The following CCDC169 variants were observed in gnomAD, a reference collection of about 807,000 sequenced individuals.
CCDC169 encodes the protein coiled-coil domain-containing protein 169.
CCDC169 carries 30 observed loss-of-function variants against 36.0 expected under a neutral mutation model. The ratio of observed to expected loss-of-function variants is 0.83; its 90% CI spans 0.62 to 1.13. The LOEUF is 1.13. Ranked by LOEUF, CCDC169 falls within the 50% of genes most tolerant of loss-of-function variation. The probability of loss-of-function intolerance (pLI) is 0.00; values close to 1 mark genes in which losing one functional copy is unlikely to be tolerated. For synonymous variants in CCDC169, 85 were observed against 81.5 expected (o/e 1.04, Z -0.23); for missense variants, 245 against 245.9 (o/e 1.00, Z 0.03).
At chr13:36,292,238 C>T (rs1214776038) in intron 2 of CCDC169, among the ~76,000 whole-genome samples, 1 of 152,112 alleles carries the variant, frequency 6.6e-6, no homozygotes, top group Non-Finnish European at 1.5e-5. Context: ...AGGTGATCTG[C>T]CTGCCTTGGC....
chr13:36,238,381 C>T (rs981182223), intron 7 of CCDC169, among the ~76,000 whole-genome samples: 2 of 152,162 alleles, frequency 1.3e-5, no homozygotes, highest in African/African-American at 4.8e-5. Context: ...ATTGTCCTGC[C>T]TTGGCCTTCC....
intron 7 of CCDC169, among the ~76,000 whole-genome samples, chr13:36,241,117 T>C (rs1041731098): frequency 2.0e-5 from 3 of 152,126 alleles, no homozygotes; most frequent in African/African-American, 7.2e-5. Flanking sequence ...TGCTAGATTT[T>C]TAAAAGAGAA....
chr13:36,250,315 A>G (rs1410628), intron 6 of CCDC169, among the ~76,000 whole-genome samples: 61,624 of 152,046 alleles, frequency 0.41, 13,275 homozygotes, highest in Non-Finnish European at 0.48. Flanking sequence ...ATATGGCTGC[A>G]GAGACAGGAA....
intron 4 of CCDC169, chr13:36,280,621 C>T (rs558786443): frequency 6.6e-6 from 1 of 152,248 alleles, no homozygotes; most frequent in South Asian, 2.1e-4. Flanking sequence ...AATCCTTTTT[C>T]ACTTTGTTTG....
chr13:36,246,961 C>G (rs1410622), intron 7 of CCDC169, among the ~76,000 whole-genome samples: 61,669 of 152,064 alleles, frequency 0.41, 13,290 homozygotes, highest in Non-Finnish European at 0.48. Context: ...GACAATGCCT[C>G]GCTTCAAAGC....
intron 2 of CCDC169, among the ~76,000 whole-genome samples, chr13:36,288,083 A>C (rs1171001965): frequency 1.3e-5 from 2 of 151,796 alleles, no homozygotes; most frequent in Non-Finnish European, 2.9e-5. Flanking sequence ...ATCTTGGCTC[A>C]CTGCAAGCTC....
chr13:36,242,064 A>C (rs1272192433), intron 7 of CCDC169, among the ~76,000 whole-genome samples: 2 of 152,148 alleles, frequency 1.3e-5, no homozygotes, highest in African/African-American at 4.8e-5. Flanking sequence ...AAGTTTCCTG[A>C]GGCCTCCCCA....
intron 2 of CCDC169, among the ~76,000 whole-genome samples, chr13:36,291,449 T>C (rs944723858): frequency 1.3e-4 from 20 of 152,208 alleles, no homozygotes; most frequent in Non-Finnish European, 2.6e-4. Context: ...AGATCTTTTA[T>C]GGTTTCGGTT....
chr13:36,231,336 T>C (rs1188293213), intron 7 of CCDC169, 44 bp from the exon 8 acceptor site: 36 of 1,536,494 alleles, frequency 2.3e-5, no homozygotes, highest in Non-Finnish European at 3.1e-5. Context: ...GTCACCATTA[T>C]GTACAACAAA....
intron 7 of CCDC169, among the ~76,000 whole-genome samples, chr13:36,241,186 T>A (rs2138420345): frequency 6.6e-6 from 1 of 152,242 alleles, no homozygotes; most frequent in Admixed American, 6.5e-5. Flanking sequence ...TTAGGAAAAA[T>A]GGGTAAGTCA....
chr13:36,258,738 A>C (rs1874237327), intron 4 of CCDC169, among the ~76,000 whole-genome samples: 1 of 125,478 alleles, frequency 8.0e-6, no homozygotes. Context: ...AAAAATAGCC[A>C]ACCAGCACCC....
At chr13:36,252,226 G>C (rs1873261701) in intron 6 of CCDC169, among the ~76,000 whole-genome samples, 1 of 152,176 alleles carries the variant, frequency 6.6e-6, no homozygotes, top group South Asian at 2.1e-4. Context: ...GATCTAGGAG[G>C]AACCAGTGCC....
intron 4 of CCDC169, among the ~76,000 whole-genome samples, chr13:36,254,745 T>C (rs1873631651): frequency 6.6e-6 from 1 of 152,212 alleles, no homozygotes; most frequent in Non-Finnish European, 1.5e-5. Context: ...AAGGGCAATT[T>C]CCACATCGAC....
Position 36,255,147 on chromosome 13 carries a change from A to G in CCDC169, c.316-1004T>C, listed in dbSNP as rs142203477. ...TGAAAACTGGAAGTGTCTTTCTTCA[A>G]TTCTTGGGCCAGTTCTAGGAACAAC... On this transcript the variant is annotated intron_variant, in intron 4 of 7. Coordinates refer to ENST00000239859, the MANE Select transcript of CCDC169 (RefSeq NM_001144981.3). Among the ~76,000 whole-genome samples the G allele has an allele frequency of 6.7e-4, 102 of 152,228 alleles. 1 individual carries two copies. The East Asian group carries it at 0.017, about 26-fold the overall frequency.
At chr13:36,293,932 T>G (rs369435514) in intron 2 of CCDC169, among the ~76,000 whole-genome samples, 8 of 152,130 alleles carry the variant, frequency 5.3e-5, no homozygotes, top group Non-Finnish European at 1.0e-4. Context: ...ATGTGGTAGA[T>G]GGAAGTTGTA....
In CCDC169 at chr13:36,243,291, G is replaced by A. The variant is rs901404381; in HGVS notation, c.545+5315C>T. ...AAGGCGGGAGGATCTTTTGAGGTCAGGAGTTCGAGACCAGCCTGGCCAACA... is the reference window on the plus strand; with the variant it reads ...AAGGCGGGAGGATCTTTTGAGGTCAAGAGTTCGAGACCAGCCTGGCCAACA... On this transcript the variant is annotated intron_variant, in intron 7 of 7. Transcript: ENST00000239859. Among the ~76,000 whole-genome samples, 6 of 152,162 alleles carry A rather than the reference G, an allele frequency of 3.9e-5. No individual in the cohort carries two copies. In the East Asian group the frequency reaches 5.8e-4, roughly 15 times the overall value.
chr13:36,282,328 C>G (rs1877634350), intron 4 of CCDC169: 1 of 962,808 alleles, frequency 1.0e-6, no homozygotes. Context: ...AAATATTATT[C>G]TTTATATCAA....
intron 6 of CCDC169, among the ~76,000 whole-genome samples, chr13:36,251,933 C>T (rs1170934): frequency 1 from 152,315 of 152,342 alleles, 76,144 homozygotes; most frequent in Non-Finnish European, 1. Flanking sequence ...GCACTTCGCA[C>T]ATATTATTTC....
At chr13:36,226,786 A>G, downstream of CCDC169, 1 of 212,744 alleles carries the variant, frequency 4.7e-6, no homozygotes, top group Non-Finnish European at 9.2e-6. Context: ...GACACTGGGG[A>G]CCACTAGAGG....
Sources: gnomAD v4.1 joint callset for allele counts (sites outside exome capture counted in the v4.1 genomes callset) on GRCh38, gnomAD v4.1.1 for gene constraint, MANE v1.5 for transcripts, NCBI Gene and HGNC (gene_info 2026-07-23, HGNC 2026-07-21) for gene names.